Variants in UBE2F observed in about 807,000 individuals in gnomAD.
UBE2F encodes the protein NEDD8-conjugating enzyme UBE2F.
A neutral mutation model predicts 29.6 loss-of-function variants in UBE2F; 5 were observed. The ratio of observed to expected loss-of-function variants is 0.17; its 90% CI spans 0.09 to 0.36. The LOEUF is 0.36. Among genes scored for constraint, UBE2F ranks in the 10% least tolerant of loss-of-function variants. The pLI is 1.00. For synonymous variants in UBE2F, 66 were observed against 81.8 expected, an observed-to-expected ratio of 0.81 and a Z score of 1.04; for missense variants, 141 against 228.5, an observed-to-expected ratio of 0.62 and a Z score of 2.47.
chr2:238,016,534 AT>A (rs755239457), intron 4 of UBE2F, 31 bp from the exon 5 acceptor site: 31 of 1,565,700 alleles, frequency 2.0e-5, no homozygotes, highest in East Asian at 6.7e-5. Flanking sequence ...AATTTAAAGG[AT>A]TTTTTTGTTT....
rs1346798497 is a variant in UBE2F at position 237,973,128 on chromosome 2, A to G, written c.21A>G (p.Lys7=). ...CAGTAATGCTAACGCTAGCAAGTAA[A>G]CTGAAGCGTGACGATGGTCTCAAAG... MLTLAS[K]LKRDDGLKGS... is the part of the protein sequence containing the mutation. Residue 7 remains lysine, a synonymous_variant, in exon 2 of 10, where the codon AAA becomes AAG. Coordinates refer to ENST00000272930, the MANE Select transcript of UBE2F (RefSeq NM_080678.3). 3.1e-6 allele frequency: 5 copies of G among 1,613,598 alleles called. No homozygotes were observed. The East Asian group carries it at 1.1e-4, about 36-fold the overall frequency.
chr2:238,025,875 A>G (rs1366078634), intron 6 of UBE2F, among the ~76,000 whole-genome samples: 1 of 152,178 alleles, frequency 6.6e-6, no homozygotes, highest in African/African-American at 2.4e-5. Flanking sequence ...GTCCTGATAG[A>G]TGTCAGGGCA....
At position 237,998,999 on chromosome 2, in the gene UBE2F, C is replaced by T. The variant is rs935611387; in HGVS notation, c.214+4190C>T. ...AGTCTTTTGTCAGATGCATGAGCTG[C>T]AGATATTTTCTCCCATTCTGTGACT... is the stretch of plus-strand genomic sequence containing the variant. On this transcript the variant is annotated intron_variant, in intron 4 of 9. Transcript: ENST00000272930. Among the ~76,000 whole-genome samples, 5 of 152,134 alleles carry T rather than the reference C, an allele frequency of 3.3e-5. No homozygotes were observed. In the South Asian group the frequency reaches 1.0e-3, roughly 31 times the overall value.
chr2:238,012,561 C>G, intron 4 of UBE2F, among the ~76,000 whole-genome samples: 1 of 152,186 alleles, frequency 6.6e-6, no homozygotes, highest in South Asian at 2.1e-4. Context: ...TATTTTCACC[C>G]AAAGCTTGGA....
At chr2:238,009,835 G>A (rs1246466664) in intron 4 of UBE2F, among the ~76,000 whole-genome samples, 1 of 152,172 alleles carries the variant, frequency 6.6e-6, no homozygotes, top group East Asian at 1.9e-4. Context: ...CCAGGGTGCT[G>A]TAAATATTGA....
chr2:237,980,818 C>T (rs997093275), intron 2 of UBE2F, among the ~76,000 whole-genome samples: 1 of 152,168 alleles, frequency 6.6e-6, no homozygotes, highest in African/African-American at 2.4e-5. Context: ...TTACATGGCC[C>T]CTGCCCACAG....
intron 5 of UBE2F, among the ~76,000 whole-genome samples, chr2:238,018,521 C>T (rs7582238): frequency 0.81 from 123,559 of 152,052 alleles, 50,487 homozygotes; most frequent in East Asian, 0.97. Flanking sequence ...GGTGTCTTGA[C>T]TCACATTACT....
At chr2:238,012,782 G>A (rs902412042) in intron 4 of UBE2F, among the ~76,000 whole-genome samples, 1 of 152,142 alleles carries the variant, frequency 6.6e-6, no homozygotes, top group African/African-American at 2.4e-5. Flanking sequence ...GTGGAGGAAG[G>A]CACCATGGCT....
intron 5 of UBE2F, among the ~76,000 whole-genome samples, chr2:238,024,444 C>T (rs1415434809): frequency 1.3e-5 from 2 of 152,072 alleles, no homozygotes. Context: ...CTTCTGAGCT[C>T]AAGTGATTTT....
chr2:238,020,917 G>T (rs1319364845), intron 5 of UBE2F, among the ~76,000 whole-genome samples: 1 of 152,196 alleles, frequency 6.6e-6, no homozygotes, highest in African/African-American at 2.4e-5. Flanking sequence ...ACAATGAGGA[G>T]CCCGGGTGGT....
intron 5 of UBE2F, among the ~76,000 whole-genome samples, chr2:238,023,824 G>T (rs1361915678): frequency 6.6e-6 from 1 of 152,176 alleles, no homozygotes; most frequent in East Asian, 1.9e-4. Flanking sequence ...GGCGGGCGGG[G>T]TGTCACATCT....
At chr2:238,027,256 A>T (rs2064453333) in intron 6 of UBE2F, among the ~76,000 whole-genome samples, 1 of 152,272 alleles carries the variant, frequency 6.6e-6, no homozygotes, top group South Asian at 2.1e-4. Flanking sequence ...CAACTGGATT[A>T]ACATCCTTGG....
chr2:237,976,106 C>G (rs1373284927), intron 2 of UBE2F, among the ~76,000 whole-genome samples: 1 of 152,236 alleles, frequency 6.6e-6, no homozygotes, highest in African/African-American at 2.4e-5. Context: ...GTGCTGGAGG[C>G]TTTACCCTAA....
chr2:238,002,426 G>A (rs1349123130), intron 4 of UBE2F, among the ~76,000 whole-genome samples: 7 of 152,066 alleles, frequency 4.6e-5, no homozygotes, highest in Admixed American at 3.9e-4. Flanking sequence ...TAGTAAAGAC[G>A]AGGTTTCACT....
rs2063398443 is a variant in UBE2F at position 237,982,404 on chromosome 2, C to T, written c.119-5559C>T. ...CGTCTGTGCCCAGACCTCACCTCTT[C>T]CCTTGTCACTAGACTGTCCTCTTGA... On this transcript the variant is annotated intron_variant, in intron 2 of 9. Coordinates refer to ENST00000272930, the MANE Select transcript of UBE2F (RefSeq NM_080678.3). This position sits in a 1 kb window ranked among gnomAD's most constrained non-coding sequence, Gnocchi z 4.1. 6.6e-6 allele frequency among the ~76,000 whole-genome samples: 1 copy of T among 152,206 alleles called. No homozygotes were observed. The highest frequency in any genetic ancestry group is 1.5e-5 in the Non-Finnish European group (1 of 68,044).
chr2:237,997,884 G>T (rs774439860), intron 4 of UBE2F, among the ~76,000 whole-genome samples: 33 of 152,138 alleles, frequency 2.2e-4, no homozygotes, highest in African/African-American at 8.0e-4. Flanking sequence ...ACATCATCTC[G>T]CAAAACAAGA....
intron 2 of UBE2F, among the ~76,000 whole-genome samples, chr2:237,983,646 A>C (rs1251055955): frequency 6.6e-6 from 1 of 150,556 alleles, no homozygotes; most frequent in African/African-American, 2.4e-5. Flanking sequence ...TCCTTTCCCC[A>C]CTTCACTTCT....
intron 3 of UBE2F, among the ~76,000 whole-genome samples, chr2:237,994,181 G>A (rs1171253015): frequency 1.3e-5 from 2 of 149,882 alleles, no homozygotes; most frequent in African/African-American, 4.9e-5. Context: ...CGCGATCTTG[G>A]CTCACTGCAA....
At chr2:238,035,989 C>A in intron 9 of UBE2F, 49 bp downstream of exon 9, 1 of 1,465,224 alleles carries the variant, frequency 6.8e-7, no homozygotes, top group Non-Finnish European at 9.6e-7. Flanking sequence ...GTCACGAACA[C>A]GATTACTACT....
Sources: allele counts gnomAD v4.1 joint callset (sites outside exome capture counted in the v4.1 genomes callset), GRCh38; gene constraint gnomAD v4.1.1; non-coding constraint Gnocchi (gnomAD v3.1); transcripts MANE v1.5; gene names NCBI Gene and HGNC (gene_info 2026-07-23, HGNC 2026-07-21).